Variants in PLXNA4 observed in about 807,000 individuals in gnomAD.
PLXNA4 encodes plexin-A4.
Under a neutral mutation model 191.8 loss-of-function variants are expected in PLXNA4, and 44 were observed. That is an observed-to-expected ratio of 0.23 (90% CI 0.18 to 0.29). The LOEUF is 0.29. Among genes scored for constraint, PLXNA4 ranks in the 10% least tolerant of loss-of-function variants. PLXNA4 has a pLI of 1.00. For synonymous variants in PLXNA4, 1,082 were observed against 1,009.5 expected (o/e 1.07, Z -1.36); for missense variants, 1,800 against 2,488.8 (o/e 0.72, Z 5.89).
At chr7:132,178,709 C>CACAA (rs1796560594) in intron 20 of PLXNA4, among the ~76,000 whole-genome samples, 1 of 82,134 alleles carries the variant, frequency 1.2e-5, no homozygotes, top group African/African-American at 9.5e-5. Context: ...CATACACATA[C>CACAA]ACATACACAC....
intron 3 of PLXNA4, among the ~76,000 whole-genome samples, chr7:132,334,890 T>C (rs974761601): frequency 2.6e-5 from 4 of 152,204 alleles, no homozygotes; most frequent in Admixed American, 6.5e-5. Context: ...ATCAAACACT[T>C]TCATTCAAAA....
chr7:132,557,752 A>G (rs985784800), intron 1 of PLXNA4, among the ~76,000 whole-genome samples: 4 of 152,132 alleles, frequency 2.6e-5, no homozygotes, highest in African/African-American at 7.2e-5. Flanking sequence ...GTGAAAAATG[A>G]TAATTGTATG....
chr7:132,270,698 T>A (rs1800034727), intron 4 of PLXNA4, among the ~76,000 whole-genome samples: 1 of 152,208 alleles, frequency 6.6e-6, no homozygotes, highest in Non-Finnish European at 1.5e-5. Flanking sequence ...ACAGGCAGAA[T>A]CATTTACAAT....
intron 1 of PLXNA4, among the ~76,000 whole-genome samples, chr7:132,570,335 A>T (rs1292241864): frequency 1.3e-5 from 2 of 152,160 alleles, no homozygotes; most frequent in African/African-American, 2.4e-5. Context: ...CTTCAGTTGC[A>T]CATCCTGACG....
intron 4 of PLXNA4, among the ~76,000 whole-genome samples, chr7:132,255,957 T>C (rs757155759): frequency 4.6e-5 from 7 of 152,252 alleles, no homozygotes; most frequent in Non-Finnish European, 8.8e-5. Context: ...TTATCTGTGT[T>C]CTTTATTTAA....
At chr7:132,422,522 G>A (rs1401974051) in intron 3 of PLXNA4, among the ~76,000 whole-genome samples, 1 of 152,224 alleles carries the variant, frequency 6.6e-6, no homozygotes, top group Admixed American at 6.5e-5. Flanking sequence ...AAGCAGCCAT[G>A]CTAATAGGGG....
intron 3 of PLXNA4, among the ~76,000 whole-genome samples, chr7:132,397,235 G>A (rs1215572387): frequency 6.6e-6 from 1 of 152,214 alleles, no homozygotes; most frequent in Non-Finnish European, 1.5e-5. Flanking sequence ...GAGTAATTTG[G>A]ATTCTGATGC....
At chr7:132,563,151 C>G (rs1358086372) in intron 1 of PLXNA4, among the ~76,000 whole-genome samples, 1 of 92,084 alleles carries the variant, frequency 1.1e-5, no homozygotes, top group Non-Finnish European at 2.4e-5. Context: ...CCTCTTCCTC[C>G]TTCTCCTCCT....
chr7:132,364,925 A>G (rs1804094941), intron 3 of PLXNA4, among the ~76,000 whole-genome samples: 1 of 152,238 alleles, frequency 6.6e-6, no homozygotes, highest in South Asian at 2.1e-4. Context: ...CTCAGTTAAT[A>G]ATATCAGGAG....
intron 3 of PLXNA4, among the ~76,000 whole-genome samples, chr7:132,406,754 A>G (rs566627717): frequency 6.6e-6 from 1 of 152,310 alleles, no homozygotes; most frequent in East Asian, 1.9e-4. Flanking sequence ...AGTGAGGGCT[A>G]GAATTTGGGT....
At chr7:132,261,473 C>T (rs901351410) in intron 4 of PLXNA4, among the ~76,000 whole-genome samples, 1 of 152,244 alleles carries the variant, frequency 6.6e-6, no homozygotes, top group Admixed American at 6.5e-5. Context: ...AAAATGCAGA[C>T]ACACCACACT....
intron 8 of PLXNA4, among the ~76,000 whole-genome samples, chr7:132,225,932 C>T (rs185068970): frequency 3.0e-4 from 45 of 152,258 alleles, no homozygotes; most frequent in African/African-American, 9.6e-4. Flanking sequence ...TTCTGCTCTT[C>T]TAGTCTCTTT....
At chr7:132,474,226 A>T (rs879514480) in intron 3 of PLXNA4, among the ~76,000 whole-genome samples, 4,767 of 151,002 alleles carry the variant, frequency 0.032, 119 homozygotes, top group Middle Eastern at 0.075. Flanking sequence ...ACACACACAC[A>T]CACACACACA....
intron 2 of PLXNA4, among the ~76,000 whole-genome samples, chr7:132,626,810 G>A (rs1013720215): frequency 6.6e-6 from 1 of 152,208 alleles, no homozygotes; most frequent in African/African-American, 2.4e-5. Flanking sequence ...CTCACTCAAG[G>A]TGCATGCATC....
At position 132,334,538 on chromosome 7, in the gene PLXNA4, G is replaced by T. The variant is rs528980701; in HGVS notation, c.1372-36316C>A. Among the ~76,000 whole-genome samples the T allele has an allele frequency of 1.2e-3, 188 of 152,098 alleles. 2 individuals are homozygous for T. Among genetic ancestry groups the T allele is most frequent in the African/African-American group, 4.5e-3 (186 of 41,478 alleles). On this transcript the variant is annotated intron_variant, in intron 3 of 31. Coordinates refer to ENST00000321063, the MANE Select transcript of PLXNA4 (RefSeq NM_020911.2). Reference sequence around the variant, plus strand: ...CTCCCAAAGTGCTGGAATTACAGGTGCCCAGCTTACAGGTGCCCAGCTGAG... The same window carrying T: ...CTCCCAAAGTGCTGGAATTACAGGTTCCCAGCTTACAGGTGCCCAGCTGAG...
intron 29 of PLXNA4, among the ~76,000 whole-genome samples, chr7:132,143,501 C>A (rs1795329531): frequency 1.3e-5 from 2 of 152,098 alleles, no homozygotes; most frequent in South Asian, 4.1e-4. Flanking sequence ...TTAGAAAGAC[C>A]CAACTTTCTC....
Position 132,202,108 on chromosome 7 carries a change from G to A in PLXNA4, c.2586+538C>T, listed in dbSNP as rs543193651. On this transcript the variant is annotated intron_variant, in intron 12 of 31. Transcript: ENST00000321063. The stretch of plus-strand genomic sequence containing the variant: ...GTGTCTGCGTGTTTGGCTCTTCACC[G>A]TGTTCCTCCCCCAGGTCTTTGCTCC... 1.4e-4 allele frequency among the ~76,000 whole-genome samples: 21 copies of A among 152,286 alleles called. No individual in the cohort carries two copies. In the South Asian group the frequency reaches 1.9e-3, roughly 14 times the overall value.
chr7:132,383,662 T>C (rs1804991741), intron 3 of PLXNA4: 2 of 982,704 alleles, frequency 2.0e-6, no homozygotes, highest in Non-Finnish European at 2.4e-6. Flanking sequence ...ACCATTCTCC[T>C]ATAAATGAGT....
intron 14 of PLXNA4, among the ~76,000 whole-genome samples, chr7:132,188,223 G>A (rs1402400826): frequency 6.6e-6 from 1 of 152,172 alleles, no homozygotes; most frequent in Non-Finnish European, 1.5e-5. Context: ...TTGCTTTCAA[G>A]GGCTGCCCCC....
Sources: allele counts gnomAD v4.1 joint callset (sites outside exome capture counted in the v4.1 genomes callset), GRCh38; gene constraint gnomAD v4.1.1; transcripts MANE v1.5; gene names NCBI Gene and HGNC (gene_info 2026-07-23, HGNC 2026-07-21).